DPYD: variants seen among roughly 807,000 people sequenced by gnomAD.
The protein encoded by DPYD is dihydropyrimidine dehydrogenase.
A neutral mutation model predicts 116.2 loss-of-function variants in DPYD; 109 were observed. The ratio of observed to expected loss-of-function variants is 0.94; its 90% CI spans 0.80 to 1.10. DPYD has a LOEUF of 1.10. Among genes scored for constraint, DPYD ranks in the 50% least tolerant of loss-of-function variants. The probability of loss-of-function intolerance (pLI) is 0.00; values close to 1 mark genes in which losing one functional copy is unlikely to be tolerated. For synonymous variants in DPYD, 440 were observed against 432.0 expected (o/e 1.02, Z -0.23); for missense variants, 1,302 against 1,254.5 (o/e 1.04, Z -0.57).
intron 16 of DPYD, among the ~76,000 whole-genome samples, chr1:97,365,978 A>G (rs1671014656): frequency 6.6e-6 from 1 of 152,178 alleles, no homozygotes; most frequent in Admixed American, 6.6e-5. Flanking sequence ...GGCTACACAA[A>G]AACAACAATA....
At chr1:97,755,949 A>G (rs920417597) in intron 3 of DPYD, among the ~76,000 whole-genome samples, 1 of 152,226 alleles carries the variant, frequency 6.6e-6, no homozygotes, top group Non-Finnish European at 1.5e-5. Flanking sequence ...GTTTTTTAAT[A>G]GCCACTTGGA....
At chr1:97,193,815 T>C (rs1658559548) in intron 19 of DPYD, among the ~76,000 whole-genome samples, 1 of 152,074 alleles carries the variant, frequency 6.6e-6, no homozygotes, top group Admixed American at 6.5e-5. Flanking sequence ...CCATAGTCTT[T>C]CTTTGCCTTA....
chr1:97,771,227 A>G (rs1394664516), intron 3 of DPYD, among the ~76,000 whole-genome samples: 5 of 152,116 alleles, frequency 3.3e-5, no homozygotes, highest in African/African-American at 1.2e-4. Context: ...AGTGAGCCGC[A>G]CTCCAGTCTA....
At chr1:97,726,074 G>A (rs1411997308) in intron 4 of DPYD, among the ~76,000 whole-genome samples, 1 of 151,462 alleles carries the variant, frequency 6.6e-6, no homozygotes, top group Non-Finnish European at 1.5e-5. Context: ...GCATAAAATA[G>A]CTAGATTATA....
At chr1:97,264,831 C>G (rs961133198) in intron 18 of DPYD, among the ~76,000 whole-genome samples, 2 of 152,108 alleles carry the variant, frequency 1.3e-5, no homozygotes, top group Admixed American at 6.6e-5. Flanking sequence ...ATCCACACAT[C>G]AGATATTTCT....
intron 10 of DPYD, among the ~76,000 whole-genome samples, chr1:97,592,247 G>A (rs947001133): frequency 6.6e-6 from 1 of 152,016 alleles, no homozygotes; most frequent in Non-Finnish European, 1.5e-5. Flanking sequence ...TTCTTTATAA[G>A]GTATTATATT....
At chr1:97,290,256 C>T (rs1266705925) in intron 18 of DPYD, among the ~76,000 whole-genome samples, 1 of 152,052 alleles carries the variant, frequency 6.6e-6, no homozygotes, top group African/African-American at 2.4e-5. Context: ...AATGGCCATA[C>T]TGCCCAAGGT....
At chr1:97,651,871 C>A (rs963582538) in intron 8 of DPYD, among the ~76,000 whole-genome samples, 2 of 151,938 alleles carry the variant, frequency 1.3e-5, no homozygotes, top group Non-Finnish European at 2.9e-5. Flanking sequence ...ATTGCTAGAA[C>A]AAAGATTCAG....
At chr1:97,472,129 A>G (rs2101854919) in intron 13 of DPYD, among the ~76,000 whole-genome samples, 1 of 152,326 alleles carries the variant, frequency 6.6e-6, no homozygotes, top group Admixed American at 6.5e-5. Flanking sequence ...TTTCTGAATC[A>G]CCTTAAGATG....
At chr1:97,217,615 TAA>T (rs552779214) in intron 19 of DPYD, among the ~76,000 whole-genome samples, 193 of 151,484 alleles carry the variant, frequency 1.3e-3, no homozygotes, top group Middle Eastern at 3.4e-3. Context: ...TTTTTATTCC[TAA>T]GTCATGATTA....
At chr1:97,754,565 T>C (rs974731025) in intron 3 of DPYD, among the ~76,000 whole-genome samples, 2 of 152,196 alleles carry the variant, frequency 1.3e-5, no homozygotes, top group African/African-American at 4.8e-5. Flanking sequence ...TGCGGAATCT[T>C]AACATGTTAT....
intron 14 of DPYD, among the ~76,000 whole-genome samples, chr1:97,385,791 C>A (rs1672310294): frequency 6.6e-6 from 1 of 152,094 alleles, no homozygotes; most frequent in Non-Finnish European, 1.5e-5. Flanking sequence ...GGTTTAGCAG[C>A]CTTGACAGTA....
chr1:97,249,219 T>C lies in DPYD; in HGVS notation c.2300-14225A>G, dbSNP rs553048020. Among the ~76,000 whole-genome samples, 13 of 151,766 alleles carry C rather than the reference T, an allele frequency of 8.6e-5. No homozygotes were observed. The South Asian group carries it at 1.9e-3, about 22-fold the overall frequency. ...TTTAAATTTATAGTAATAAAGACAA[T>C]GGCATTAGAATATACGACAAATAAG... On this transcript the variant is annotated intron_variant, in intron 18 of 22. Transcript: ENST00000370192.
chr1:97,477,604 C>CTTTTTTTTTTTTTT (rs56199931), intron 13 of DPYD, among the ~76,000 whole-genome samples: 1 of 113,654 alleles, frequency 8.8e-6, no homozygotes, highest in African/African-American at 3.4e-5. Flanking sequence ...GACTGTTCTT[C>CTTTTTTTTTTTTTT]TTTTTTTTTT....
intron 19 of DPYD, among the ~76,000 whole-genome samples, chr1:97,229,545 A>AGTAT (rs1169436659): frequency 2.8e-5 from 2 of 72,658 alleles, no homozygotes; most frequent in South Asian, 5.6e-4. Context: ...GACCATCCTA[A>AGTAT]GTATATATAT....
chr1:97,860,399 TA>T (rs1671058614), intron 2 of DPYD, among the ~76,000 whole-genome samples: 1 of 151,980 alleles, frequency 6.6e-6, no homozygotes, highest in African/African-American at 2.4e-5. Flanking sequence ...CTAAAAAGTA[TA>T]AAAGAGAAAA....
At chr1:97,346,976 C>A (rs1172934773) in intron 16 of DPYD, among the ~76,000 whole-genome samples, 1 of 151,494 alleles carries the variant, frequency 6.6e-6, no homozygotes, top group African/African-American at 2.4e-5. Context: ...TGATTTGGGG[C>A]CTTTTAAACA....
intron 20 of DPYD, among the ~76,000 whole-genome samples, chr1:97,099,513 T>A (rs1650509153): frequency 6.6e-6 from 1 of 152,136 alleles, no homozygotes; most frequent in African/African-American, 2.4e-5. Flanking sequence ...CTAGAAACTT[T>A]GATCTTCACT....
chr1:97,180,019 C>T (rs1657543538), intron 20 of DPYD, among the ~76,000 whole-genome samples: 1 of 152,116 alleles, frequency 6.6e-6, no homozygotes, highest in Non-Finnish European at 1.5e-5. Flanking sequence ...ATATCCTCAC[C>T]TATCCTTCCT....
Sources: allele counts gnomAD v4.1 joint callset (sites outside exome capture counted in the v4.1 genomes callset), GRCh38; gene constraint gnomAD v4.1.1; transcripts MANE v1.5; gene names NCBI Gene and HGNC (gene_info 2026-07-23, HGNC 2026-07-21).